Variants in RBFOX1 observed in about 807,000 individuals in gnomAD.
RBFOX1 encodes the protein RNA binding fox-1 homolog 1, also known as RNA binding protein fox-1 homolog 1.
In RBFOX1, 8 loss-of-function variants were observed where a neutral mutation model predicts 57.7. The observed-to-expected ratio is 0.14, with a 90% CI of 0.08 to 0.25. The LOEUF (loss-of-function observed/expected upper bound fraction) is 0.25, where lower values mean the gene tolerates loss of function less well. Among genes scored for constraint, RBFOX1 ranks in the 10% least tolerant of loss-of-function variants. RBFOX1 has a pLI of 1.00. For synonymous variants in RBFOX1, 326 were observed against 222.4 expected (o/e 1.47, Z -4.15); for missense variants, 611 against 548.5 (o/e 1.11, Z -1.14).
In RBFOX1 at chr16:6,955,348, G is replaced by GCACACACACA. The variant is rs34550051; in HGVS notation, c.-15-96693_-15-96684dup. Among the ~76,000 whole-genome samples the GCACACACACA allele has an allele frequency of 1.3e-3, 200 of 150,332 alleles. 1 individual carries two copies. The highest frequency in any genetic ancestry group is 4.2e-3 in the African/African-American group (171 of 40,968). ...TCACCTTTAAGCCTTCCCCACATAT[G>GCACACACACA]CACACACACACACACACACACACAC... On this transcript the variant is annotated intron_variant, in intron 3 of 15. Transcript: ENST00000550418.
In RBFOX1 at chr16:7,195,450, A is replaced by C. The variant is rs140134158; in HGVS notation, c.27+143352A>C. On this transcript the variant is annotated intron_variant, in intron 4 of 15. Transcript: ENST00000550418. Reference sequence around the variant, plus strand: ...CGACCTGGGCAGGTGGCTGTCCTCTAATATTGGCAAGGCAAAACAGAACAA... The same window carrying C: ...CGACCTGGGCAGGTGGCTGTCCTCTCATATTGGCAAGGCAAAACAGAACAA... Among the ~76,000 whole-genome samples, 355 of 152,298 alleles carry C rather than the reference A, an allele frequency of 2.3e-3. 2 individuals carry two copies. Among genetic ancestry groups the C allele is most frequent in the African/African-American group, 7.9e-3 (329 of 41,576 alleles).
rs1567430640 is a variant in RBFOX1, at chr16:5,709,856, T to TA, written c.318+110895_318+110896insA. Among the ~76,000 whole-genome samples, 14 of 35,286 alleles carry TA rather than the reference T, an allele frequency of 4.0e-4. 1 individual carries two copies. The highest frequency in any genetic ancestry group is 1.4e-3 in the Admixed American group (4 of 2,768). The allele number at this position is 35,286 out of a possible 152,430, so 23.1% of individuals were successfully genotyped here. A position where few individuals can be genotyped will look rare whatever the true frequency, so the allele number is the denominator to read the frequency against. On this transcript the variant is annotated intron_variant, in intron 3 of 19. Coordinates refer to the RBFOX1 transcript ENST00000641259. ...ATATATATATATATTTTTTTTTTTT[T>TA]TTTTTTTTTTTTTTTTTTTTTACCA...
chr16:7,419,164 T>A (rs1174093609), intron 4 of RBFOX1, among the ~76,000 whole-genome samples: 1 of 152,152 alleles, frequency 6.6e-6, no homozygotes, highest in African/African-American at 2.4e-5. Context: ...CACCGTGGCC[T>A]CCCAAAGTGC....
chr16:7,150,351 A>G (rs1443880705), intron 4 of RBFOX1, among the ~76,000 whole-genome samples: 3 of 152,062 alleles, frequency 2.0e-5, no homozygotes, highest in Admixed American at 6.5e-5. Flanking sequence ...GACAGTGCCC[A>G]CCCTACGTTA....
At chr16:7,083,743 G>A (rs1236311315) in intron 4 of RBFOX1, among the ~76,000 whole-genome samples, 2 of 152,048 alleles carry the variant, frequency 1.3e-5, no homozygotes, top group Non-Finnish European at 2.9e-5. Flanking sequence ...GCAAGAGCCT[G>A]GGAGAAGGTA....
chr16:7,042,362 G>C (rs545140537), intron 3 of RBFOX1, among the ~76,000 whole-genome samples: 1 of 152,270 alleles, frequency 6.6e-6, no homozygotes, highest in East Asian at 1.9e-4. Flanking sequence ...GTGATTCAGA[G>C]AGGAAACCTA....
At chr16:6,065,783 G>A (rs2095753660) in intron 1 of RBFOX1, among the ~76,000 whole-genome samples, 1 of 152,134 alleles carries the variant, frequency 6.6e-6, no homozygotes, top group African/African-American at 2.4e-5. Context: ...CTCATGGGAT[G>A]AATATCCCCA....
intron 4 of RBFOX1, among the ~76,000 whole-genome samples, chr16:5,915,397 A>G (rs542524814): frequency 1.1e-4 from 17 of 152,282 alleles, no homozygotes; most frequent in African/African-American, 2.9e-4. Context: ...GCCACTCAAC[A>G]CTTGTACCTA....
At chr16:7,094,775 T>TGG (rs71147651) in intron 4 of RBFOX1, among the ~76,000 whole-genome samples, 15 of 139,796 alleles carry the variant, frequency 1.1e-4, no homozygotes, top group South Asian at 2.4e-4. Flanking sequence ...TGTGTGTGTG[T>TGG]GGGTGTGTGT....
downstream of RBFOX1, among the ~76,000 whole-genome samples, chr16:5,602,972 G>T (rs1007292476): frequency 6.6e-6 from 1 of 152,122 alleles, no homozygotes; most frequent in South Asian, 2.1e-4. Context: ...TCCTCTAGAG[G>T]AGTGAAAATG....
rs563847181 is a variant in RBFOX1, at chr16:6,475,598, A to G, written c.-64+158541A>G. Among the ~76,000 whole-genome samples, 56 of 152,300 alleles carry G rather than the reference A, an allele frequency of 3.7e-4. 1 individual carries two copies. Among genetic ancestry groups the G allele is most frequent in the Non-Finnish European group, 6.3e-4 (43 of 68,026 alleles). On this transcript the variant is annotated intron_variant, in intron 2 of 15. Transcript: ENST00000550418. The stretch of plus-strand genomic sequence containing the variant: ...TAACCACAAGTCCACTATAAATCGT[A>G]TGTTCTCCCATCTCAATATGCTTCA...
At chr16:5,537,082 T>A (rs888304253) in intron 2 of RBFOX1, among the ~76,000 whole-genome samples, 2 of 152,218 alleles carry the variant, frequency 1.3e-5, no homozygotes, top group African/African-American at 4.8e-5. Context: ...AGTGTCCATG[T>A]TTCTTGTACT....
intron 3 of RBFOX1, among the ~76,000 whole-genome samples, chr16:7,000,930 C>G (rs901413086): frequency 1.3e-5 from 2 of 152,074 alleles, no homozygotes; most frequent in Non-Finnish European, 2.9e-5. Context: ...TTGTTTACTT[C>G]CATTAGGAAC....
At chr16:6,666,997 G>T (rs2098737182) in intron 3 of RBFOX1, among the ~76,000 whole-genome samples, 1 of 152,100 alleles carries the variant, frequency 6.6e-6, no homozygotes, top group African/African-American at 2.4e-5. Flanking sequence ...ATGGGTCTCT[G>T]CACCTGCCTT....
chr16:5,666,035 A>G (rs997485255), intron 3 of RBFOX1, among the ~76,000 whole-genome samples: 2 of 152,250 alleles, frequency 1.3e-5, no homozygotes, highest in African/African-American at 2.4e-5. Flanking sequence ...AGAGCCTACA[A>G]GAGAAATCTT....
At chr16:7,150,614 T>C (rs1355208242) in intron 4 of RBFOX1, among the ~76,000 whole-genome samples, 1 of 152,226 alleles carries the variant, frequency 6.6e-6, no homozygotes, top group African/African-American at 2.4e-5. Context: ...TTCTTCTCTA[T>C]TGACAACTTA....
intron 3 of RBFOX1, among the ~76,000 whole-genome samples, chr16:6,964,445 G>C (rs566572704): frequency 2.0e-5 from 3 of 152,228 alleles, no homozygotes; most frequent in East Asian, 1.9e-4. Context: ...TGGAAACTCT[G>C]CTCTTTGGGT....
At chr16:7,472,220 G>A (rs2061687472) in intron 4 of RBFOX1, among the ~76,000 whole-genome samples, 1 of 152,112 alleles carries the variant, frequency 6.6e-6, no homozygotes, top group Admixed American at 6.6e-5. Flanking sequence ...AGACTTAGAT[G>A]TATGTCATTA....
At chr16:6,990,295 C>T (rs148495407) in intron 3 of RBFOX1, among the ~76,000 whole-genome samples, 9,972 of 152,030 alleles carry the variant, frequency 0.066, 400 homozygotes, top group South Asian at 0.17. Context: ...GAGGCCGAGG[C>T]GGGTGGGTCA....
Sources: gnomAD v4.1 joint callset for allele counts (sites outside exome capture counted in the v4.1 genomes callset) on GRCh38, gnomAD v4.1.1 for gene constraint, MANE v1.5 for transcripts, NCBI Gene and HGNC (gene_info 2026-07-23, HGNC 2026-07-21) for gene names.